Variants in COLGALT1 observed in about 807,000 individuals in gnomAD.
The protein encoded by COLGALT1 is procollagen galactosyltransferase 1.
Under a neutral mutation model 60.8 loss-of-function variants are expected in COLGALT1, and 43 were observed. The ratio of observed to expected loss-of-function variants is 0.71; its 90% CI spans 0.55 to 0.91. The LOEUF (loss-of-function observed/expected upper bound fraction) is 0.91, where lower values mean the gene tolerates loss of function less well. COLGALT1 is among the 40% of genes least tolerant of loss of function. COLGALT1 has a pLI of 0.00. For synonymous variants in COLGALT1, 369 were observed against 374.2 expected, an observed-to-expected ratio of 0.99 and a Z score of 0.16; for missense variants, 845 against 880.0, an observed-to-expected ratio of 0.96 and a Z score of 0.50.
At chr19:17,580,989 G>A (rs1318675458) in intron 11 of COLGALT1, 84 bp downstream of exon 11, 13 of 1,522,126 alleles carry the variant, frequency 8.5e-6, no homozygotes, top group East Asian at 2.3e-5. Flanking sequence ...CACGGCCTCC[G>A]AGAAGATGTC....
Position 17,581,929 on chromosome 19 carries a change from A to G in COLGALT1, c.*485A>G, listed in dbSNP as rs1436494290. 1 of 95,526 alleles carries G rather than the reference A, an allele frequency of 1.0e-5. No individual in the cohort carries two copies. Among genetic ancestry groups the G allele is most frequent in the Non-Finnish European group, 2.1e-5 (1 of 48,720 alleles). The allele number at this position is 95,526 out of a possible 1,614,324, so 5.9% of individuals were successfully genotyped here. A position where few individuals can be genotyped will look rare whatever the true frequency, so the allele number is the denominator to read the frequency against. Reference sequence around the variant, plus strand: ...CTGGGATTTTTTTTTTTTTTTTTTTAAGAGTAGAGTCTGTCTCTGTCACCC... The same window carrying G: ...CTGGGATTTTTTTTTTTTTTTTTTTGAGAGTAGAGTCTGTCTCTGTCACCC... On this transcript the variant is annotated 3_prime_UTR_variant, in exon 12 of 12. Transcript: ENST00000252599.
chr19:17,582,045 A>G lies in COLGALT1; in HGVS notation c.*601A>G, dbSNP rs1331442428. The G allele has an allele frequency of 5.2e-5, 8 of 154,932 alleles. No individual in the cohort carries two copies. The East Asian group carries it at 1.2e-3, about 22-fold the overall frequency. The allele number at this position is 154,932 out of a possible 1,614,324, so 9.6% of individuals were successfully genotyped here. On this transcript the variant is annotated 3_prime_UTR_variant, in exon 12 of 12. Coordinates refer to ENST00000252599, the MANE Select transcript of COLGALT1 (RefSeq NM_024656.4). ...TTTCTCGGCCTCCCAAGTAGCTGGG[A>G]CTATAGGTGCGTGCCATCACATCTG... is the stretch of plus-strand genomic sequence containing the variant.
intron 3 of COLGALT1, among the ~76,000 whole-genome samples, chr19:17,562,737 C>G (rs1441089112): frequency 6.6e-6 from 1 of 151,776 alleles, no homozygotes; most frequent in Non-Finnish European, 1.5e-5. Context: ...ATGGACAGGC[C>G]TGCATGGGGT....
intron 6 of COLGALT1, among the ~76,000 whole-genome samples, chr19:17,576,128 A>G (rs1490045780): frequency 6.6e-6 from 1 of 152,176 alleles, no homozygotes; most frequent in Non-Finnish European, 1.5e-5. Context: ...CTGTGTGCCA[A>G]GCCCCTGTGT....
chr19:17,563,191 T>TC (rs1208014675), intron 3 of COLGALT1, among the ~76,000 whole-genome samples: 2 of 145,836 alleles, frequency 1.4e-5, no homozygotes, highest in Admixed American at 6.8e-5. Flanking sequence ...GTGTTTCTTT[T>TC]TTTTTTTTTT....
chr19:17,581,776 C>T lies in COLGALT1; in HGVS notation c.*332C>T, dbSNP rs77094585. On this transcript the variant is annotated 3_prime_UTR_variant, in exon 12 of 12. Coordinates refer to ENST00000252599, the MANE Select transcript of COLGALT1 (RefSeq NM_024656.4). ...GAGGCATAATTGTTCCCTCCATCAG[C>T]GATTGATTCAGTCATCAAGCAGTTA... 1,104 of 351,438 alleles carry T rather than the reference C, an allele frequency of 3.1e-3. 11 individuals carry two copies. Among genetic ancestry groups the T allele is most frequent in the African/African-American group, 0.021 (1,019 of 49,186 alleles). The allele number at this position is 351,438 out of a possible 1,614,324, so 21.8% of individuals were successfully genotyped here.
At chr19:17,566,429 C>T (rs2076280278) in intron 3 of COLGALT1, among the ~76,000 whole-genome samples, 1 of 152,072 alleles carries the variant, frequency 6.6e-6, no homozygotes, top group Non-Finnish European at 1.5e-5. Flanking sequence ...TGTGTCTTTA[C>T]ATCCTGGTAG....
chr19:17,561,631 CAAAAAAAAAAAAAAAAA>C (rs11332403), intron 3 of COLGALT1, among the ~76,000 whole-genome samples: 7 of 72,734 alleles, frequency 9.6e-5, no homozygotes, highest in Non-Finnish European at 1.7e-4. Context: ...GACTCTGTCT[CAAAAAAAAAAAAAAAAA>C]AAAAAAAACA....
In COLGALT1 at chr19:17,581,730, T is replaced by C; in HGVS notation, c.*286T>C. ...ATTAAGCACCTGCTGTATGCAAGGT[T>C]CCCATGTTACGGCAGTGAATGAGGC... On this transcript the variant is annotated 3_prime_UTR_variant, in exon 12 of 12. Coordinates refer to ENST00000252599, the MANE Select transcript of COLGALT1 (RefSeq NM_024656.4). 1 of 481,570 alleles carries C rather than the reference T, an allele frequency of 2.1e-6. No individual in the cohort carries two copies. Among genetic ancestry groups the C allele is most frequent in the Non-Finnish European group, 3.8e-6 (1 of 266,632 alleles). The allele number at this position is 481,570 out of a possible 1,614,324, so 29.8% of individuals were successfully genotyped here. A position where few individuals can be genotyped will look rare whatever the true frequency, so the allele number is the denominator to read the frequency against.
Position 17,555,703 on chromosome 19 carries a change from C to T in COLGALT1, c.-11C>T, listed in dbSNP as rs1182623215. On this transcript the variant is annotated 5_prime_UTR_variant, in exon 1 of 12. The change creates a new upstream start codon in the 5' untranslated region. Coordinates refer to ENST00000252599, the MANE Select transcript of COLGALT1 (RefSeq NM_024656.4). ...CCGCAGAAAAACGACTTAAAGGAGACGCGTGGCGCGATGGCGGCGGCCCCA... is the reference window on the plus strand; with the variant it reads ...CCGCAGAAAAACGACTTAAAGGAGATGCGTGGCGCGATGGCGGCGGCCCCA... 3.4e-6 allele frequency: 4 copies of T among 1,185,050 alleles called. No homozygotes were observed. Among genetic ancestry groups the T allele is most frequent in the Admixed American group, 9.1e-5 (2 of 22,042 alleles). 73.4% of individuals were successfully genotyped at this position (1,185,050 alleles called of 1,614,324 possible).
chr19:17,555,746 C>T lies in COLGALT1; in HGVS notation c.33C>T (p.Arg11=), dbSNP rs2076206158. 1.7e-6 allele frequency: 2 copies of T among 1,210,596 alleles called. No individual in the cohort carries two copies. The highest frequency in any genetic ancestry group is 8.3e-5 in the South Asian group (2 of 24,204). 75.0% of individuals were successfully genotyped at this position (1,210,596 alleles called of 1,614,324 possible). The change falls in exon 1 of 12, where the codon CGC becomes CGT. Residue 11 remains arginine, a synonymous_variant. Coordinates refer to ENST00000252599, the MANE Select transcript of COLGALT1 (RefSeq NM_024656.4). MAAAPRAGRR[R]GQPLLALLLL... ...CGGCCCCACGCGCGGGCCGGCGGCG[C>T]GGGCAGCCGCTCCTGGCGCTGCTGC...
chr19:17,569,633 C>T (rs2076300248), intron 5 of COLGALT1, among the ~76,000 whole-genome samples: 1 of 151,948 alleles, frequency 6.6e-6, no homozygotes, highest in Non-Finnish European at 1.5e-5. Flanking sequence ...GACAGGGTTT[C>T]CCCAGGTTGG....
intron 1 of COLGALT1, 79 bp from the exon 2 acceptor site, chr19:17,559,232 G>T (rs1599776498): frequency 1.0e-6 from 1 of 961,804 alleles, no homozygotes; most frequent in Non-Finnish European, 1.6e-6. Context: ...GTTGGGGATG[G>T]TGGTCCTTGA....
At chr19:17,574,217 C>G (rs1450876788) in intron 6 of COLGALT1, among the ~76,000 whole-genome samples, 1 of 152,148 alleles carries the variant, frequency 6.6e-6, no homozygotes, top group Non-Finnish European at 1.5e-5. Flanking sequence ...AGGGGTGAGG[C>G]CTCTGTCCCG....
intron 11 of COLGALT1, 80 bp downstream of exon 11, chr19:17,580,985 C>T (rs954603207): frequency 3.1e-5 from 47 of 1,534,904 alleles, no homozygotes; most frequent in Non-Finnish European, 4.0e-5. Context: ...GACTCACGGC[C>T]TCCGAGAAGA....
chr19:17,577,181 TCTGTG>T lies in COLGALT1; in HGVS notation c.950-12_950-8del. ...TCCTTACCCCAGCGACTCCTCAACG[TCTGTG>T]CCCCACAGTGAAGCACCCGCCCGCA... On this transcript the variant is annotated splice_polypyrimidine_tract_variant and intron_variant, in intron 6 of 11. Transcript: ENST00000252599. 6.2e-7 allele frequency: 1 copy of T among 1,612,542 alleles called. No homozygotes were observed. The highest frequency in any genetic ancestry group is 1.3e-5 in the African/African-American group (1 of 74,774).
Position 17,581,318 on chromosome 19 carries a change from C to T in COLGALT1, c.1743C>T (p.His581=), listed in dbSNP as rs139979457. ...TETSVVWNNE[H]VKTDWDRAKS... ...CCTCAGTCGTATGGAACAATGAGCA[C>T]GTCAAGACCGACTGGGACCGCGCCA... Residue 581 remains histidine (H), a synonymous_variant, in exon 12 of 12, where the codon CAC becomes CAT. Transcript: ENST00000252599. 4,128 of 1,613,416 alleles carry T rather than the reference C, an allele frequency of 2.6e-3. 111 individuals carry two copies. In the South Asian group the frequency reaches 0.041, roughly 16 times the overall value.
Position 17,581,620 on chromosome 19 carries a change from G to C in COLGALT1, c.*176G>C. The C allele has an allele frequency of 1.2e-6, 1 of 823,586 alleles. No homozygotes were observed. Among genetic ancestry groups the C allele is most frequent in the Non-Finnish European group, 1.8e-6 (1 of 541,210 alleles). 51.0% of individuals were successfully genotyped at this position (823,586 alleles called of 1,614,324 possible). A position where few individuals can be genotyped will look rare whatever the true frequency, so the allele number is the denominator to read the frequency against. On this transcript the variant is annotated 3_prime_UTR_variant, in exon 12 of 12. Coordinates refer to ENST00000252599, the MANE Select transcript of COLGALT1 (RefSeq NM_024656.4). ...TGCACACAGGCAGCATTAATGGAGTGCCTACTGCATGCCAGCAACAGGGCT... is the reference window on the plus strand; with the variant it reads ...TGCACACAGGCAGCATTAATGGAGTCCCTACTGCATGCCAGCAACAGGGCT...
intron 6 of COLGALT1, among the ~76,000 whole-genome samples, chr19:17,572,826 G>A (rs1417739686): frequency 2.6e-5 from 4 of 152,190 alleles, no homozygotes; most frequent in African/African-American, 9.7e-5. Flanking sequence ...TTGTCGGGTG[G>A]GCTTCCTGGA....
Sources: gnomAD v4.1 joint callset for allele counts (sites outside exome capture counted in the v4.1 genomes callset) on GRCh38, gnomAD v4.1.1 for gene constraint, MANE v1.5 for transcripts, NCBI Gene and HGNC (gene_info 2026-07-23, HGNC 2026-07-21) for gene names.